PDE3A: variants seen among roughly 807,000 people sequenced by gnomAD.
PDE3A encodes the protein cGMP-inhibited 3',5'-cyclic phosphodiesterase 3A.
In PDE3A, 43 loss-of-function variants were observed where a neutral mutation model predicts 98.3. That is an observed-to-expected ratio of 0.44 (90% CI 0.34 to 0.56). PDE3A has a LOEUF of 0.56. Among genes scored for constraint, PDE3A ranks in the 20% least tolerant of loss-of-function variants. The pLI, the probability that PDE3A is intolerant of heterozygous loss-of-function variation, is 0.01. For synonymous variants in PDE3A, 663 were observed against 567.9 expected, an observed-to-expected ratio of 1.17 and a Z score of -2.38; for missense variants, 1,427 against 1,440.7, an observed-to-expected ratio of 0.99 and a Z score of 0.15.
intron 1 of PDE3A, among the ~76,000 whole-genome samples, chr12:20,483,507 G>C (rs1945669464): frequency 6.6e-6 from 1 of 152,182 alleles, no homozygotes; most frequent in South Asian, 2.1e-4. Flanking sequence ...TATCTGCTTT[G>C]AGAATAACCC....
intron 2 of PDE3A, among the ~76,000 whole-genome samples, chr12:20,564,812 A>C (rs1360900665): frequency 6.6e-6 from 1 of 152,118 alleles, no homozygotes. Context: ...TTTAATACTT[A>C]TTGAATGACC....
chr12:20,544,883 A>C (rs972992098), intron 1 of PDE3A, among the ~76,000 whole-genome samples: 5 of 152,002 alleles, frequency 3.3e-5, no homozygotes, highest in African/African-American at 9.7e-5. Context: ...GAAACAAAAA[A>C]GTTTCTATAA....
At chr12:20,472,666 G>C (rs1945459886) in intron 1 of PDE3A, among the ~76,000 whole-genome samples, 1 of 152,016 alleles carries the variant, frequency 6.6e-6, no homozygotes, top group South Asian at 2.1e-4. Context: ...TCTGTACACA[G>C]AGAAAAAAAT....
chr12:20,372,422 G>A (rs569786579), intron 1 of PDE3A, among the ~76,000 whole-genome samples: 4 of 152,148 alleles, frequency 2.6e-5, no homozygotes, highest in Admixed American at 6.5e-5. Flanking sequence ...GAGTGTGTGC[G>A]TGTCACTGAA....
intron 1 of PDE3A, among the ~76,000 whole-genome samples, chr12:20,404,612 C>A (rs1944196134): frequency 1.3e-5 from 2 of 152,040 alleles, no homozygotes; most frequent in Admixed American, 1.3e-4. Flanking sequence ...ATGGTACTGG[C>A]AATTCTAGCT....
intron 1 of PDE3A, among the ~76,000 whole-genome samples, chr12:20,385,031 C>A (rs1285824245): frequency 6.6e-6 from 1 of 152,018 alleles, no homozygotes; most frequent in East Asian, 1.9e-4. Context: ...ACTCACATTC[C>A]TTTGGGTGTA....
In PDE3A at chr12:20,687,356, T is replaced by C. The variant is rs7965422; in HGVS notation, c.*7085T>C. On this transcript the variant is annotated 3_prime_UTR_variant, in exon 16 of 16. Transcript: ENST00000359062. ...ATAGTATTGCTAACTTTAATAATTC[T>C]ACCATATCTATATATTACCTGTTAG... 0.098 allele frequency among the ~76,000 whole-genome samples: 14,911 copies of C among 152,042 alleles called. 1,686 individuals carry two copies. Among genetic ancestry groups the C allele is most frequent in the African/African-American group, 0.28 (11,503 of 41,462 alleles).
intron 15 of PDE3A, among the ~76,000 whole-genome samples, chr12:20,655,750 A>C (rs569620152): frequency 6.6e-6 from 1 of 152,196 alleles, no homozygotes; most frequent in Non-Finnish European, 1.5e-5. Context: ...AGTAGACTCA[A>C]CTTACATTTT....
At chr12:20,485,023 G>A (rs1001824323) in intron 1 of PDE3A, among the ~76,000 whole-genome samples, 1 of 152,118 alleles carries the variant, frequency 6.6e-6, no homozygotes, top group Non-Finnish European at 1.5e-5. Flanking sequence ...ATCAAAAGTA[G>A]CATGTGAAAT....
intron 1 of PDE3A, among the ~76,000 whole-genome samples, chr12:20,387,845 A>G (rs1943840682): frequency 6.6e-6 from 1 of 152,050 alleles, no homozygotes; most frequent in Non-Finnish European, 1.5e-5. Context: ...TCACATGGGA[A>G]AATACTTTTG....
intron 1 of PDE3A, among the ~76,000 whole-genome samples, chr12:20,486,435 A>T (rs1307421931): frequency 6.6e-6 from 1 of 152,192 alleles, no homozygotes; most frequent in Non-Finnish European, 1.5e-5. Context: ...ACACATCGGA[A>T]TCATGGGGAT....
At chr12:20,386,374 C>G (rs1325846410) in intron 1 of PDE3A, among the ~76,000 whole-genome samples, 1 of 148,650 alleles carries the variant, frequency 6.7e-6, no homozygotes, top group Non-Finnish European at 1.5e-5. Flanking sequence ...TTGCATTTCT[C>G]TAATGATCGG....
At chr12:20,609,157 A>G (rs1343995781) in intron 2 of PDE3A, among the ~76,000 whole-genome samples, 1 of 152,032 alleles carries the variant, frequency 6.6e-6, no homozygotes, top group Non-Finnish European at 1.5e-5. Context: ...TGATCTTTAT[A>G]TGTAGAAAAC....
At chr12:20,375,924 T>C (rs939082374) in intron 1 of PDE3A, among the ~76,000 whole-genome samples, 3 of 151,928 alleles carry the variant, frequency 2.0e-5, no homozygotes, top group Non-Finnish European at 4.4e-5. Flanking sequence ...GAGCAAAAAG[T>C]CTTAGTGTCA....
intron 2 of PDE3A, among the ~76,000 whole-genome samples, chr12:20,600,231 A>G (rs1030154006): frequency 2.6e-5 from 4 of 152,140 alleles, no homozygotes; most frequent in African/African-American, 9.7e-5. Context: ...GTCTCTCCTA[A>G]TATGCCACTG....
At position 20,369,490 on chromosome 12, in the gene PDE3A, C is replaced by G; in HGVS notation, c.206C>G (p.Ser69Cys). 1 of 1,557,726 alleles carries G rather than the reference C, an allele frequency of 6.4e-7. No homozygotes were observed. ...RKLSSALCAG[S>C]LSFLLALLVR... ...CTTTCCTCCGCGCTGTGCGCGGGCTCCCTGTCCTTTCTGCTGGCGCTGCTG... is the reference window on the plus strand; with the variant it reads ...CTTTCCTCCGCGCTGTGCGCGGGCTGCCTGTCCTTTCTGCTGGCGCTGCTG... The change falls in exon 1 of 16, where the codon TCC becomes TGC. Residue 69 changes from serine to cysteine, a missense_variant. Coordinates refer to ENST00000359062, the MANE Select transcript of PDE3A (RefSeq NM_000921.5).
At chr12:20,560,272 G>A (rs535275226) in intron 2 of PDE3A, among the ~76,000 whole-genome samples, 1 of 152,090 alleles carries the variant, frequency 6.6e-6, no homozygotes. Flanking sequence ...CAGAATAAAA[G>A]TCTGATTTTT....
intron 1 of PDE3A, among the ~76,000 whole-genome samples, chr12:20,526,155 G>T (rs1946513585): frequency 1.3e-5 from 2 of 152,256 alleles, no homozygotes; most frequent in South Asian, 4.1e-4. Context: ...CACTTGAGGG[G>T]TGAGACATAT....
At chr12:20,376,533 C>T (rs1943574197) in intron 1 of PDE3A, among the ~76,000 whole-genome samples, 1 of 151,870 alleles carries the variant, frequency 6.6e-6, no homozygotes, top group South Asian at 2.1e-4. Context: ...TTGACTTTGT[C>T]ACGTAAATGA....
Sources: gnomAD v4.1 joint callset for allele counts (sites outside exome capture counted in the v4.1 genomes callset) on GRCh38, gnomAD v4.1.1 for gene constraint, MANE v1.5 for transcripts, NCBI Gene and HGNC (gene_info 2026-07-23, HGNC 2026-07-21) for gene names.